Variants in TJAP1 observed in about 807,000 individuals in gnomAD.
TJAP1 encodes tight junction-associated protein 1.
In TJAP1, 27 loss-of-function variants were observed where a neutral mutation model predicts 42.0. The observed-to-expected ratio is 0.64, with a 90% CI of 0.47 to 0.89. The LOEUF (loss-of-function observed/expected upper bound fraction) is 0.89. TJAP1 is among the 40% of genes least tolerant of loss of function. The pLI, the probability that TJAP1 is intolerant of heterozygous loss-of-function variation, is 0.00. For missense variants in TJAP1, 712 were observed against 726.9 expected, an observed-to-expected ratio of 0.98 and a Z score of 0.24; for synonymous variants, 257 against 288.4, an observed-to-expected ratio of 0.89 and a Z score of 1.10.
At chr6:43,504,216 GCA>G (rs201222393) in intron 10 of TJAP1, 5,635 of 233,834 alleles carry the variant, frequency 0.024, 343 homozygotes, top group African/African-American at 0.12. Context: ...CCGGCTTCAA[GCA>G]ATTCTCCTGC....
At chr6:43,494,821 C>T (rs561403218) in intron 2 of TJAP1, among the ~76,000 whole-genome samples, 6 of 152,292 alleles carry the variant, frequency 3.9e-5, no homozygotes, top group African/African-American at 1.4e-4. Context: ...GATCCGCCTG[C>T]CTTGGCCTCC....
rs575721790 is a variant in TJAP1 at position 43,495,305 on chromosome 6, C to T, written c.-121-2576C>T. Among the ~76,000 whole-genome samples, 10 of 152,356 alleles carry T rather than the reference C, an allele frequency of 6.6e-5. No individual in the cohort carries two copies. The highest frequency in any genetic ancestry group is 2.1e-4 in the South Asian group (1 of 4,832). On this transcript the variant is annotated intron_variant, in intron 2 of 10. Coordinates refer to ENST00000372449, the Ensembl canonical transcript of TJAP1. The surrounding 1 kb of genome is among the most constrained non-coding windows in gnomAD (Gnocchi z 4.6). ...TGGGTCTGTCCGGACTTTCCCTGCA[C>T]ACCTTCCTTGCCTCCAGTCAAGGAC...
At chr6:43,503,685 C>G in exon 10 of TJAP1, 1 of 1,614,156 alleles carries the variant, frequency 6.2e-7, no homozygotes, top group Non-Finnish European at 8.5e-7. Flanking sequence ...AGTCCCACTT[C>G]CGAAACCACA....
rs1792161306 is a variant in TJAP1, at chr6:43,505,554, A to G, written c.1373A>G (p.Gln458Arg). 1.9e-6 allele frequency: 3 copies of G among 1,613,742 alleles called. No homozygotes were observed. In the African/African-American group the frequency reaches 4.0e-5, roughly 22 times the overall value. Reference sequence around the variant, plus strand: ...CCCGCTGACAGAGATGAGGTGGTCCAGGCACCTTCTGCCCGACCCGAAGAG... The same window carrying G: ...CCCGCTGACAGAGATGAGGTGGTCCGGGCACCTTCTGCCCGACCCGAAGAG... Residue 458 changes from glutamine (Q) to arginine (R), a missense_variant, in exon 11 of 11, where the codon CAG (glutamine) becomes CGG (arginine). Transcript: ENST00000372449. The surrounding 1 kb of genome is among the most constrained non-coding windows in gnomAD (Gnocchi z 5.5).
chr6:43,502,656 C>A, intron 8 of TJAP1, 39 bp downstream of exon 8: 1 of 1,550,642 alleles, frequency 6.4e-7, no homozygotes, highest in Non-Finnish European at 8.7e-7. Flanking sequence ...CTTGCCCTGG[C>A]CTTCTCCTCA....
chr6:43,490,882 C>G (rs2127538964), intron 2 of TJAP1, among the ~76,000 whole-genome samples: 1 of 152,348 alleles, frequency 6.6e-6, no homozygotes, highest in South Asian at 2.1e-4. Context: ...TGCAGCCTGG[C>G]TTGGAGAAGC....
At position 43,488,863 on chromosome 6, in the gene TJAP1, A is replaced by C. The variant is rs181580265; in HGVS notation, c.-121-9018A>C. On this transcript the variant is annotated intron_variant, in intron 2 of 10. Coordinates refer to ENST00000372449, the Ensembl canonical transcript of TJAP1. The stretch of plus-strand genomic sequence containing the variant: ...GGGCTGTAGTCAGAGCAACATGGGG[A>C]GCCCAGTGTGTAGGCAATTATTGGA... 4.1e-3 allele frequency among the ~76,000 whole-genome samples: 625 copies of C among 152,150 alleles called. 7 individuals carry two copies. The highest frequency in any genetic ancestry group is 3.0e-3 in the Non-Finnish European group (201 of 68,010).
rs141938027 is a variant in TJAP1, at chr6:43,491,440, G to A, written c.-121-6441G>A. Among the ~76,000 whole-genome samples, 3,247 of 152,112 alleles carry A rather than the reference G, an allele frequency of 0.021. 125 individuals are homozygous for A. The highest frequency in any genetic ancestry group is 0.075 in the African/African-American group (3,099 of 41,490). The stretch of plus-strand genomic sequence containing the variant: ...CGAGTAGCTGGGATTACAGGCATGC[G>A]CCACCACGCCCGGCTCATTTTGTAT... On this transcript the variant is annotated intron_variant, in intron 2 of 10. Transcript: ENST00000372449. The surrounding 1 kb of genome is among the most constrained non-coding windows in gnomAD (Gnocchi z 4.6).
At chr6:43,485,116 G>A (rs978870762) in intron 2 of TJAP1, among the ~76,000 whole-genome samples, 6 of 152,226 alleles carry the variant, frequency 3.9e-5, no homozygotes, top group Non-Finnish European at 5.9e-5. Flanking sequence ...TGGTGGATTC[G>A]TAATGTAATT....
Position 43,491,720 on chromosome 6 carries a change from G to C in TJAP1, c.-121-6161G>C, listed in dbSNP as rs957914102. On this transcript the variant is annotated intron_variant, in intron 2 of 10. Transcript: ENST00000372449. This position sits in a 1 kb window ranked among gnomAD's most constrained non-coding sequence, Gnocchi z 4.6. Reference sequence around the variant, plus strand: ...ATTTTATTATATGATTAATAATAGTGAATGTATGATAGTTGATTAAGGAAT... The same window carrying C: ...ATTTTATTATATGATTAATAATAGTCAATGTATGATAGTTGATTAAGGAAT... Among the ~76,000 whole-genome samples, 4 of 152,184 alleles carry C rather than the reference G, an allele frequency of 2.6e-5. No homozygotes were observed. The highest frequency in any genetic ancestry group is 4.4e-5 in the Non-Finnish European group (3 of 68,036).
intron 2 of TJAP1, among the ~76,000 whole-genome samples, chr6:43,483,127 A>T (rs1012260632): frequency 2.0e-4 from 30 of 151,326 alleles, no homozygotes; most frequent in African/African-American, 6.6e-4. Context: ...ATCTCAATAA[A>T]AAAAAAAAAA....
chr6:43,501,761 CTCTCTG>C (rs1205184579), intron 6 of TJAP1, 74 bp downstream of exon 6: 7 of 643,452 alleles, frequency 1.1e-5, no homozygotes, highest in African/African-American at 4.8e-5. Context: ...CACACACACT[CTCTCTG>C]TCTCTCTCTC....
chr6:43,485,514 G>A (rs1786259397), intron 2 of TJAP1, among the ~76,000 whole-genome samples: 1 of 152,204 alleles, frequency 6.6e-6, no homozygotes, highest in South Asian at 2.1e-4. Context: ...AGATGAGGAA[G>A]ATATGTCTGA....
At chr6:43,500,271 T>G (rs1318762363) in intron 4 of TJAP1, among the ~76,000 whole-genome samples, 1 of 152,224 alleles carries the variant, frequency 6.6e-6, no homozygotes, top group African/African-American at 2.4e-5. Context: ...ATGCACTTGT[T>G]CTTCCTGAGC....
chr6:43,501,308 C>A, intron 5 of TJAP1: 2 of 563,218 alleles, frequency 3.6e-6, no homozygotes, highest in Non-Finnish European at 6.3e-6. Flanking sequence ...CTACCATCCC[C>A]TCTTCCTCCC....
intron 2 of TJAP1, among the ~76,000 whole-genome samples, chr6:43,487,342 C>T (rs1337480486): frequency 2.6e-5 from 4 of 152,138 alleles, no homozygotes; most frequent in South Asian, 4.1e-4. Context: ...GGGTACCAAG[C>T]GGTGGTTGGC....
chr6:43,497,040 T>TC (rs1201664308), intron 2 of TJAP1: 1 of 152,282 alleles, frequency 6.6e-6, no homozygotes, highest in Non-Finnish European at 1.5e-5. Flanking sequence ...CCCAGGTGTC[T>TC]CCAACTCCCC....
chr6:43,487,981 T>C lies in TJAP1; in HGVS notation c.-122+9749T>C, dbSNP rs555225902. 6.7e-3 allele frequency among the ~76,000 whole-genome samples: 1,014 copies of C among 151,552 alleles called. 6 individuals carry two copies. The highest frequency in any genetic ancestry group is 0.011 in the Non-Finnish European group (766 of 67,924). ...ACCTCCCAGGTTCAAGCGATTCTCC[T>C]GCCTCAGCCTCCCGAGTAGCTGGGA... is the stretch of plus-strand genomic sequence containing the variant. On this transcript the variant is annotated intron_variant, in intron 2 of 10. Coordinates refer to ENST00000372449, the Ensembl canonical transcript of TJAP1.
chr6:43,488,524 C>G (rs1415260525), intron 2 of TJAP1, among the ~76,000 whole-genome samples: 2 of 152,222 alleles, frequency 1.3e-5, no homozygotes, highest in Non-Finnish European at 2.9e-5. Context: ...TCACCTGTGT[C>G]TCTCCCCTTC....
Sources: allele counts gnomAD v4.1 joint callset (sites outside exome capture counted in the v4.1 genomes callset), GRCh38; gene constraint gnomAD v4.1.1; non-coding constraint Gnocchi (gnomAD v3.1); transcripts MANE v1.5; gene names NCBI Gene and HGNC (gene_info 2026-07-23, HGNC 2026-07-21).